LRRC37A2: variants seen among roughly 807,000 people sequenced by gnomAD.
LRRC37A2 encodes leucine-rich repeat-containing protein 37A2.
Under a neutral mutation model 68.8 loss-of-function variants are expected in LRRC37A2, and 9 were observed. The observed-to-expected ratio is 0.13, with a 90% CI of 0.08 to 0.23. The LOEUF (loss-of-function observed/expected upper bound fraction) is 0.23. Ranked by LOEUF, LRRC37A2 falls within the 10% of genes least tolerant of loss-of-function variation. The pLI, the probability that LRRC37A2 is intolerant of heterozygous loss-of-function variation, is 1.00. For missense variants in LRRC37A2, 168 were observed against 950.4 expected, an observed-to-expected ratio of 0.18 and a Z score of 10.82; for synonymous variants, 63 against 367.6, an observed-to-expected ratio of 0.17 and a Z score of 9.48.
At chr17:46,889,722 G>C in the LRRC37A2 span, among the ~76,000 whole-genome samples, 1 of 152,098 alleles carries the variant, frequency 6.6e-6, no homozygotes, top group Non-Finnish European at 1.5e-5. Flanking sequence ...TATTCTGAAA[G>C]TGTCAGTTGC....
chr17:46,500,834 G>A, the LRRC37A2 span, among the ~76,000 whole-genome samples: 1 of 151,058 alleles, frequency 6.6e-6, no homozygotes, highest in Non-Finnish European at 1.5e-5. Context: ...TTATAGGGAA[G>A]TGTTTCTCAA....
chr17:46,921,586 G>A, the LRRC37A2 span, among the ~76,000 whole-genome samples: 2 of 152,184 alleles, frequency 1.3e-5, no homozygotes, highest in Non-Finnish European at 2.9e-5. Context: ...CTACTCATCT[G>A]ACAAAGAGCT....
chr17:47,018,421 T>C, the LRRC37A2 span: 80 of 1,591,150 alleles, frequency 5.0e-5, no homozygotes, highest in Non-Finnish European at 6.7e-5. Flanking sequence ...TCACCCAGTG[T>C]CTCTGTGAAG....
the LRRC37A2 span, chr17:47,019,231 T>C: frequency 1.3e-6 from 2 of 1,522,230 alleles, no homozygotes; most frequent in Non-Finnish European, 1.8e-6. Flanking sequence ...ATGACAGAGG[T>C]TGAACCTTCT....
chr17:46,981,708 T>C, the LRRC37A2 span, among the ~76,000 whole-genome samples: 93,408 of 151,922 alleles, frequency 0.61, 29,348 homozygotes, highest in African/African-American at 0.7. Context: ...ATTATTTTAT[T>C]TATTTATTTT....
the LRRC37A2 span, among the ~76,000 whole-genome samples, chr17:47,013,526 C>G: frequency 4.8e-3 from 727 of 152,278 alleles, 3 homozygotes; most frequent in African/African-American, 0.016. Context: ...TTTCCTGCTA[C>G]AGCCTGGGAA....
the LRRC37A2 span, among the ~76,000 whole-genome samples, chr17:46,872,336 A>G: frequency 2.0e-5 from 3 of 152,252 alleles, no homozygotes; most frequent in African/African-American, 7.2e-5. Flanking sequence ...AAGGTCCTGC[A>G]GCAACCTTTG....
chr17:46,970,547 A>C, the LRRC37A2 span, among the ~76,000 whole-genome samples: 2 of 151,394 alleles, frequency 1.3e-5, no homozygotes, highest in Non-Finnish European at 3.0e-5. Flanking sequence ...AAAAAAAAAA[A>C]AAAAAAAAAA....
At chr17:47,003,733 T>TA in the LRRC37A2 span, among the ~76,000 whole-genome samples, 3 of 151,992 alleles carry the variant, frequency 2.0e-5, no homozygotes, top group South Asian at 6.2e-4. Context: ...CTTTTTTTTT[T>TA]ATTATACTTT....
At chr17:46,908,440 C>A in the LRRC37A2 span, among the ~76,000 whole-genome samples, 1 of 152,070 alleles carries the variant, frequency 6.6e-6, no homozygotes, top group African/African-American at 2.4e-5. Context: ...GAGGAAGGGC[C>A]CCTGACTGCC....
chr17:46,966,834 C>G, the LRRC37A2 span: 8 of 422,956 alleles, frequency 1.9e-5, no homozygotes, highest in East Asian at 1.1e-4. Flanking sequence ...AAAAGTGCTT[C>G]ACACCATTCC....
the LRRC37A2 span, among the ~76,000 whole-genome samples, chr17:46,899,391 C>A: frequency 6.6e-6 from 1 of 151,946 alleles, no homozygotes; most frequent in African/African-American, 2.4e-5. Context: ...GGTGACAGAG[C>A]GAGACCCTGT....
the LRRC37A2 span, among the ~76,000 whole-genome samples, chr17:46,821,927 C>G: frequency 6.6e-6 from 1 of 152,242 alleles, no homozygotes; most frequent in Non-Finnish European, 1.5e-5. Flanking sequence ...TGGGGCTACC[C>G]GTCTGTCGCG....
intron 4 of LRRC37A2, among the ~76,000 whole-genome samples, chr17:46,522,600 A>C (rs1027687253): frequency 1.3e-4 from 9 of 68,554 alleles, no homozygotes; most frequent in African/African-American, 5.8e-4. Context: ...ACGTGCCACT[A>C]GGCCCGGCTA....
chr17:46,791,477 G>A, the LRRC37A2 span, among the ~76,000 whole-genome samples: 3 of 152,258 alleles, frequency 2.0e-5, no homozygotes, highest in East Asian at 3.9e-4. Context: ...AAAGTGCTGG[G>A]ATTACAGACG....
the LRRC37A2 span, among the ~76,000 whole-genome samples, chr17:46,774,961 G>T: frequency 6.6e-6 from 1 of 152,162 alleles, no homozygotes; most frequent in Non-Finnish European, 1.5e-5. Context: ...CTCCCTCTGT[G>T]TCCAGCACTG....
At chr17:46,792,599 G>A in the LRRC37A2 span, among the ~76,000 whole-genome samples, 5 of 152,124 alleles carry the variant, frequency 3.3e-5, no homozygotes, top group African/African-American at 7.2e-5. Flanking sequence ...TCAGCCTCCC[G>A]AGTAGCTGGG....
At chr17:46,496,468 TGGCACACGTCTGTAGTCCCAGCTACTCAG>T in the LRRC37A2 span, among the ~76,000 whole-genome samples, 1 of 147,574 alleles carries the variant, frequency 6.8e-6, no homozygotes, top group Non-Finnish European at 1.5e-5. Context: ...CCTAGTGTGG[TGGCACACGTCTGTAGTCCCAGCTACTCAG>T]AAGGTTAAGT....
the LRRC37A2 span, among the ~76,000 whole-genome samples, chr17:47,020,417 T>C: frequency 6.7e-6 from 1 of 149,510 alleles, no homozygotes; most frequent in Admixed American, 6.6e-5. Flanking sequence ...CCTAGCTTTC[T>C]ATATGTAGAA....
Sources: allele counts gnomAD v4.1 joint callset (sites outside exome capture counted in the v4.1 genomes callset), GRCh38; gene constraint gnomAD v4.1.1; transcripts MANE v1.5; gene names NCBI Gene and HGNC (gene_info 2026-07-23, HGNC 2026-07-21).